The following CLSPN variants were observed in gnomAD, a reference collection of about 807,000 sequenced individuals.
CLSPN encodes claspin, also known as claspin homolog.
Under a neutral mutation model 156.3 loss-of-function variants are expected in CLSPN, and 85 were observed. The observed-to-expected ratio is 0.54, with a 90% CI of 0.46 to 0.65. CLSPN has a LOEUF of 0.65. Ranked by LOEUF, CLSPN falls within the 30% of genes least tolerant of loss-of-function variation. The probability of loss-of-function intolerance (pLI) is 0.00; values close to 1 mark genes in which losing one functional copy is unlikely to be tolerated. For synonymous variants in CLSPN, 534 were observed against 542.4 expected (o/e 0.98, Z 0.22); for missense variants, 1,407 against 1,554.9 (o/e 0.90, Z 1.60).
intron 24 of CLSPN, among the ~76,000 whole-genome samples, chr1:35,721,213 C>T (rs1641066226): frequency 6.6e-6 from 1 of 152,152 alleles, no homozygotes. Context: ...CACCTCTCAA[C>T]ACTTATTAGG....
At chr1:35,750,993 G>A (rs529760651) in intron 10 of CLSPN, among the ~76,000 whole-genome samples, 1 of 151,234 alleles carries the variant, frequency 6.6e-6, no homozygotes. Context: ...ATATAAACAG[G>A]TGGAAGCCCA....
intron 9 of CLSPN, among the ~76,000 whole-genome samples, chr1:35,751,920 T>C (rs1642100449): frequency 6.6e-6 from 1 of 152,204 alleles, no homozygotes; most frequent in Non-Finnish European, 1.5e-5. Flanking sequence ...AAAGTAATGC[T>C]TAATCTCACT....
Position 35,743,435 on chromosome 1 carries a change from T to C in CLSPN, c.3042+20A>G. The C allele has an allele frequency of 6.3e-7, 1 of 1,599,854 alleles. No homozygotes were observed. The highest frequency in any genetic ancestry group is 8.6e-7 in the Non-Finnish European group (1 of 1,168,212). ...ATACATGGAGCTCAGTTATGATTAC[T>C]TTGTTCCCTTCATACTCACCTCATC... On this transcript the variant is annotated intron_variant, in intron 17 of 24. Transcript: ENST00000318121.
At position 35,732,864 on chromosome 1, in the gene CLSPN, C is replaced by T; in HGVS notation, c.*3632G>A. 2 of 985,448 alleles carry T rather than the reference C, an allele frequency of 2.0e-6. No individual in the cohort carries two copies. Among genetic ancestry groups the T allele is most frequent in the South Asian group, 9.4e-5 (2 of 21,284 alleles). 61.0% of individuals were successfully genotyped at this position (985,448 alleles called of 1,614,324 possible). A position where few individuals can be genotyped will look rare whatever the true frequency, so the allele number is the denominator to read the frequency against. On this transcript the variant is annotated 3_prime_UTR_variant, in exon 25 of 25. Coordinates refer to ENST00000318121, the MANE Select transcript of CLSPN (RefSeq NM_022111.4). Reference sequence around the variant, plus strand: ...GATCAAGGCTTAGCTTACTTTATAGCAGCCATCCTGGCATAAGGAAAAGTA... The same window carrying T: ...GATCAAGGCTTAGCTTACTTTATAGTAGCCATCCTGGCATAAGGAAAAGTA...
rs140895356 is a variant in CLSPN, at chr1:35,762,713, G to A, written c.745-232C>T. ...CTCTGCTTACATCTTTCCCTAAAGA[G>A]GGATAATAACTCGCAGGAAGCTAAA... On this transcript the variant is annotated intron_variant, in intron 4 of 24. Coordinates refer to ENST00000318121, the MANE Select transcript of CLSPN (RefSeq NM_022111.4). Among the ~76,000 whole-genome samples the A allele has an allele frequency of 6.9e-3, 1,048 of 152,078 alleles. 17 individuals are homozygous for A. The highest frequency in any genetic ancestry group is 0.022 in the African/African-American group (928 of 41,494).
In CLSPN at chr1:35,761,144, T is replaced by C. The variant is rs748498753; in HGVS notation, c.956A>G (p.Lys319Arg). Residue 319 changes from lysine (K) to arginine (R), a missense_variant, in exon 7 of 25, where the codon AAA (lysine) becomes AGA (arginine). By Grantham distance (26) the Lys-to-Arg change is conservative (BLOSUM62 2). Coordinates refer to ENST00000318121, the MANE Select transcript of CLSPN (RefSeq NM_022111.4). ...GTGGCAAGTGGGCCGGGGTTTACGT[T>C]TGAAGAAATCATGAATGGTTTTATT... ...PENKTIHDFFKRKPRPTCHGN... is the reference protein window; with the variant it reads ...PENKTIHDFFRRKPRPTCHGN... 1.2e-6 allele frequency: 2 copies of C among 1,614,012 alleles called. No homozygotes were observed. Among genetic ancestry groups the C allele is most frequent in the Non-Finnish European group, 1.7e-6 (2 of 1,179,876 alleles).
At chr1:35,747,672 C>G (rs937464296) in intron 14 of CLSPN, among the ~76,000 whole-genome samples, 2 of 152,142 alleles carry the variant, frequency 1.3e-5, no homozygotes, top group Non-Finnish European at 2.9e-5. Context: ...AATACAAGAT[C>G]TATGCATTTC....
intron 24 of CLSPN, among the ~76,000 whole-genome samples, chr1:35,721,530 G>A (rs1641073208): frequency 1.3e-5 from 2 of 152,226 alleles, no homozygotes; most frequent in Non-Finnish European, 2.9e-5. Flanking sequence ...TGGGGTTACA[G>A]GCGCGTGCCA....
chr1:35,745,429 T>C (rs1321510176), intron 16 of CLSPN, 22 bp downstream of exon 16: 13 of 1,538,446 alleles, frequency 8.5e-6, no homozygotes, highest in Non-Finnish European at 1.1e-5. Flanking sequence ...CCTTCCCAAA[T>C]TCCCAGCAAT....
Position 35,768,469 on chromosome 1 carries a change from A to G in CLSPN, c.24+1378T>C, listed in dbSNP as rs556736665. 9.9e-5 allele frequency among the ~76,000 whole-genome samples: 15 copies of G among 151,834 alleles called. No individual in the cohort carries two copies. In the South Asian group the frequency reaches 2.5e-3, roughly 25 times the overall value. ...GTCACCTAGGCTGGAGTGCAGTGGC[A>G]GGATCATGGCTCACTGCAGCCTTGA... On this transcript the variant is annotated intron_variant, in intron 1 of 24. Transcript: ENST00000318121.
chr1:35,736,256 C>T lies in CLSPN; in HGVS notation c.*240G>A. On this transcript the variant is annotated 3_prime_UTR_variant, in exon 25 of 25. Transcript: ENST00000318121. Reference sequence around the variant, plus strand: ...AAAAAGGAAACCTCACCCAAGTATTCCATGAGTTGTTGATGTTGTAAATAC... The same window carrying T: ...AAAAAGGAAACCTCACCCAAGTATTTCATGAGTTGTTGATGTTGTAAATAC... 1 of 1,127,662 alleles carries T rather than the reference C, an allele frequency of 8.9e-7. No individual in the cohort carries two copies. Among genetic ancestry groups the T allele is most frequent in the Non-Finnish European group, 1.1e-6 (1 of 922,794 alleles). The allele number at this position is 1,127,662 out of a possible 1,614,324, so 69.9% of individuals were successfully genotyped here.
chr1:35,761,975 C>T (rs1166901679), intron 6 of CLSPN, 23 bp downstream of exon 6: 1 of 1,580,728 alleles, frequency 6.3e-7, no homozygotes, highest in Admixed American at 1.7e-5. Flanking sequence ...GATTTTGCCT[C>T]AAAGTTTACT....
chr1:35,748,826 T>C, intron 12 of CLSPN: 1 of 401,038 alleles, frequency 2.5e-6, no homozygotes, highest in Non-Finnish European at 3.9e-6. Context: ...AGTTCTTTTT[T>C]TTTTTTTTTT....
At chr1:35,758,067 A>G (rs1642336109) in intron 8 of CLSPN, among the ~76,000 whole-genome samples, 1 of 152,124 alleles carries the variant, frequency 6.6e-6, no homozygotes, top group South Asian at 2.1e-4. Context: ...TCCAAAGTCA[A>G]CCCATTCAAT....
intron 16 of CLSPN, among the ~76,000 whole-genome samples, chr1:35,744,017 A>C (rs1360047506): frequency 1.3e-5 from 2 of 152,302 alleles, no homozygotes; most frequent in East Asian, 3.9e-4. Flanking sequence ...ATAATATAAA[A>C]TTTGCCTTTT....
In CLSPN at chr1:35,743,254, C is replaced by T; in HGVS notation, c.3043-13G>A. The T allele has an allele frequency of 6.3e-7, 1 of 1,596,058 alleles. No homozygotes were observed. The highest frequency in any genetic ancestry group is 8.6e-7 in the Non-Finnish European group (1 of 1,164,192). ...CACTGTGTTCATCCTACAAAATCAG[C>T]ATCATATCCAAATTAAGCAGAATAA... On this transcript the variant is annotated splice_polypyrimidine_tract_variant and intron_variant, in intron 17 of 24. Coordinates refer to ENST00000318121, the MANE Select transcript of CLSPN (RefSeq NM_022111.4).
At chr1:35,742,591 C>T (rs1641730991) in intron 18 of CLSPN, among the ~76,000 whole-genome samples, 1 of 152,002 alleles carries the variant, frequency 6.6e-6, no homozygotes, top group Non-Finnish European at 1.5e-5. Flanking sequence ...GTTGGTCACG[C>T]TGGTCTCAAA....
chr1:35,731,344 T>A (rs1200648637), downstream of CLSPN, among the ~76,000 whole-genome samples: 2 of 152,026 alleles, frequency 1.3e-5, no homozygotes, highest in African/African-American at 4.8e-5. Flanking sequence ...GGGAGGGCAT[T>A]CCAGGGAAAG....
chr1:35,729,291 A>G (rs1641264149), downstream of CLSPN, among the ~76,000 whole-genome samples: 1 of 152,080 alleles, frequency 6.6e-6, no homozygotes. Flanking sequence ...TCAACCCTAC[A>G]TCTAGCCCAC....
Sources: allele counts gnomAD v4.1 joint callset (sites outside exome capture counted in the v4.1 genomes callset), GRCh38; gene constraint gnomAD v4.1.1; transcripts MANE v1.5; gene names NCBI Gene and HGNC (gene_info 2026-07-23, HGNC 2026-07-21).